TESC: variants seen among roughly 807,000 people sequenced by gnomAD.
The protein encoded by TESC is calcineurin B homologous protein 3.
In TESC, 19 loss-of-function variants were observed where a neutral mutation model predicts 31.0. That is an observed-to-expected ratio of 0.61 (90% CI 0.43 to 0.90). TESC has a LOEUF of 0.90. TESC is among the 40% of genes least tolerant of loss of function. The probability of loss-of-function intolerance (pLI) is 0.00; values close to 1 mark genes in which losing one functional copy is unlikely to be tolerated. For missense variants in TESC, 248 were observed against 303.8 expected, an observed-to-expected ratio of 0.82 and a Z score of 1.36; for synonymous variants, 109 against 114.8, an observed-to-expected ratio of 0.95 and a Z score of 0.32.
intron 2 of TESC, among the ~76,000 whole-genome samples, chr12:117,062,104 A>C (rs917628440): frequency 5.9e-5 from 9 of 152,216 alleles, no homozygotes; most frequent in Non-Finnish European, 8.8e-5. Flanking sequence ...AATAATAATA[A>C]TGTAACAGCA....
rs181547718 is a variant in TESC, at chr12:117,089,449, C to G, written c.58+9776G>C. Reference sequence around the variant, plus strand: ...GCAAATGAACCACCATAAGGGAGAACAGCAGACACAATTAACAAAAGGAAT... The same window carrying G: ...GCAAATGAACCACCATAAGGGAGAAGAGCAGACACAATTAACAAAAGGAAT... On this transcript the variant is annotated intron_variant, in intron 1 of 7. Coordinates refer to ENST00000335209, the MANE Select transcript of TESC (RefSeq NM_017899.4). Among the ~76,000 whole-genome samples the G allele has an allele frequency of 5.3e-5, 8 of 152,184 alleles. No individual in the cohort carries two copies. In the East Asian group the frequency reaches 7.7e-4, roughly 15 times the overall value.
chr12:117,062,983 C>A (rs1245897110), intron 2 of TESC, among the ~76,000 whole-genome samples: 2 of 152,184 alleles, frequency 1.3e-5, no homozygotes, highest in Non-Finnish European at 2.9e-5. Flanking sequence ...GGCTCCAGGG[C>A]CACACACCTT....
chr12:117,040,862 T>TC (rs1954472390), intron 7 of TESC, among the ~76,000 whole-genome samples: 1 of 152,188 alleles, frequency 6.6e-6, no homozygotes, highest in Non-Finnish European at 1.5e-5. Flanking sequence ...GAGGGCCCAG[T>TC]CCCCCAGTCC....
chr12:117,075,853 ATATATATATATATATATGTGTG>A (rs1955047532), intron 1 of TESC, among the ~76,000 whole-genome samples: 1 of 46,406 alleles, frequency 2.2e-5, no homozygotes, highest in African/African-American at 9.9e-5. Context: ...GTGTGTATAT[ATATATATATATATATATGTGTG>A]TATATATATA....
intron 4 of TESC, chr12:117,048,705 G>A (rs1429676397): frequency 1.9e-6 from 1 of 528,122 alleles, no homozygotes; most frequent in South Asian, 1.5e-5. Flanking sequence ...AAGGTTCAAG[G>A]TCACATGGCT....
intron 3 of TESC, among the ~76,000 whole-genome samples, chr12:117,051,547 C>T (rs1195598495): frequency 2.6e-5 from 4 of 152,160 alleles, no homozygotes; most frequent in African/African-American, 9.7e-5. Context: ...TCACTGTGGG[C>T]GGCAGAGACC....
At chr12:117,066,373 A>ATTT (rs55744717) in intron 2 of TESC, among the ~76,000 whole-genome samples, 6 of 129,632 alleles carry the variant, frequency 4.6e-5, no homozygotes, top group African/African-American at 6.1e-5. Context: ...TGAATGGCTA[A>ATTT]TTTTTTTTTT....
chr12:117,077,531 A>C (rs1483170673), intron 1 of TESC, among the ~76,000 whole-genome samples: 2 of 152,254 alleles, frequency 1.3e-5, no homozygotes, highest in Non-Finnish European at 2.9e-5. Flanking sequence ...CATGCCCAAC[A>C]ATGGCAGAGT....
chr12:117,076,806 C>A (rs1955080390), intron 1 of TESC, among the ~76,000 whole-genome samples: 1 of 152,296 alleles, frequency 6.6e-6, no homozygotes, highest in Non-Finnish European at 1.5e-5. Context: ...CCACAACACA[C>A]AGAGGCAGAG....
intron 6 of TESC, 112 bp downstream of exon 6, chr12:117,046,447 G>T: frequency 9.3e-7 from 1 of 1,069,910 alleles, no homozygotes. Context: ...CAGGCCACAG[G>T]TAGAGCAGGT....
chr12:117,078,089 C>T (rs10850756), intron 1 of TESC, among the ~76,000 whole-genome samples: 1 of 151,994 alleles, frequency 6.6e-6, no homozygotes. Context: ...AGATGCAACA[C>T]GTACAAAAAC....
chr12:117,088,585 G>A (rs1955253815), intron 1 of TESC, among the ~76,000 whole-genome samples: 1 of 151,530 alleles, frequency 6.6e-6, no homozygotes, highest in Non-Finnish European at 1.5e-5. Context: ...GGAGGCTGAG[G>A]CACAAGAATC....
intron 2 of TESC, among the ~76,000 whole-genome samples, chr12:117,067,018 T>G (rs1258403018): frequency 3.3e-5 from 5 of 152,178 alleles, no homozygotes; most frequent in Admixed American, 6.5e-5. Flanking sequence ...TTGGTGGCTC[T>G]CCTCACGTCT....
intron 3 of TESC, among the ~76,000 whole-genome samples, 183 bp downstream of exon 3, chr12:117,056,623 G>A (rs1050787434): frequency 1.3e-5 from 2 of 152,196 alleles, no homozygotes; most frequent in Admixed American, 6.5e-5. Context: ...TGAGTGAGCA[G>A]CCCAGTCGCC....
At chr12:117,067,262 A>G (rs1056744854) in intron 2 of TESC, among the ~76,000 whole-genome samples, 1 of 152,106 alleles carries the variant, frequency 6.6e-6, no homozygotes, top group Non-Finnish European at 1.5e-5. Context: ...TGAGTATAGT[A>G]TTTCTAAAAA....
chr12:117,054,224 T>A (rs1485746525), intron 3 of TESC, among the ~76,000 whole-genome samples: 5 of 151,624 alleles, frequency 3.3e-5, no homozygotes, highest in African/African-American at 4.8e-5. Flanking sequence ...CATGATTCAC[T>A]CCTCCCTGGC....
At chr12:117,058,745 T>TAAAA (rs3070303) in intron 2 of TESC, among the ~76,000 whole-genome samples, 9 of 124,184 alleles carry the variant, frequency 7.2e-5, no homozygotes, top group Non-Finnish European at 1.2e-4. Flanking sequence ...TCCAATCTCT[T>TAAAA]AAAAAAAAAA....
intron 3 of TESC, among the ~76,000 whole-genome samples, 180 bp downstream of exon 3, chr12:117,056,626 C>G (rs1429834167): frequency 7.2e-5 from 11 of 152,182 alleles, no homozygotes; most frequent in Admixed American, 6.5e-4. Flanking sequence ...GTGAGCAGCC[C>G]AGTCGCCCAG....
intron 2 of TESC, among the ~76,000 whole-genome samples, chr12:117,066,844 T>G (rs1036719841): frequency 2.0e-5 from 3 of 152,212 alleles, no homozygotes; most frequent in Non-Finnish European, 2.9e-5. Context: ...GCCCTGGACA[T>G]TTGCAGGCTT....
Sources: allele counts gnomAD v4.1 joint callset (sites outside exome capture counted in the v4.1 genomes callset), GRCh38; gene constraint gnomAD v4.1.1; transcripts MANE v1.5; gene names NCBI Gene and HGNC (gene_info 2026-07-23, HGNC 2026-07-21).